The following GTF2F2 variants were observed in gnomAD, a reference collection of about 807,000 sequenced individuals.
GTF2F2 encodes the protein general transcription factor IIF subunit 2.
In GTF2F2, 23 loss-of-function variants were observed where a neutral mutation model predicts 42.2. The ratio of observed to expected loss-of-function variants is 0.55; its 90% CI spans 0.39 to 0.77. The LOEUF is 0.77. Among genes scored for constraint, GTF2F2 ranks in the 30% least tolerant of loss-of-function variants. The pLI, the probability that GTF2F2 is intolerant of heterozygous loss-of-function variation, is 0.00. For missense variants in GTF2F2, 261 were observed against 287.2 expected (o/e 0.91, Z 0.66); for synonymous variants, 105 against 100.8 (o/e 1.04, Z -0.25).
intron 4 of GTF2F2, among the ~76,000 whole-genome samples, chr13:45,161,640 A>G (rs2138132590): frequency 6.6e-6 from 1 of 152,278 alleles, no homozygotes; most frequent in Middle Eastern, 3.4e-3. Flanking sequence ...TCAGGAGTTC[A>G]AGACCAGCCT....
In GTF2F2 at chr13:45,151,714, G is replaced by T. The variant is rs1314700530; in HGVS notation, c.187G>T (p.Ala63Ser). ...GTCATTTACTTTGAATGAGGATCTT[G>T]CAAATATTCATGATATTGGTGGAAA... ...EVSFTLNEDLANIHDIGGKPA... is the reference protein window; with the variant it reads ...EVSFTLNEDLSNIHDIGGKPA... Residue 63 changes from alanine to serine, a missense_variant, in exon 4 of 8, where the codon GCA (alanine) becomes TCA (serine). By Grantham distance (99) the Ala-to-Ser change is moderately conservative. Transcript: ENST00000340473. 4.4e-6 allele frequency: 7 copies of T among 1,606,782 alleles called. No individual in the cohort carries two copies. The highest frequency in any genetic ancestry group is 6.0e-6 in the Non-Finnish European group (7 of 1,174,494).
At chr13:45,142,793 C>T (rs1485471109) in intron 2 of GTF2F2, among the ~76,000 whole-genome samples, 2 of 152,184 alleles carry the variant, frequency 1.3e-5, no homozygotes, top group East Asian at 3.8e-4. Context: ...ACTGAATTAA[C>T]TAAATTCACT....
At chr13:45,244,009 T>A (rs1354143713) in intron 5 of GTF2F2, among the ~76,000 whole-genome samples, 1 of 152,242 alleles carries the variant, frequency 6.6e-6, no homozygotes, top group Admixed American at 6.5e-5. Flanking sequence ...GTTGGTTGAA[T>A]CTGCAGGTAC....
chr13:45,153,004 C>G (rs1300974285), intron 4 of GTF2F2, among the ~76,000 whole-genome samples: 3 of 148,804 alleles, frequency 2.0e-5, no homozygotes, highest in Non-Finnish European at 3.0e-5. Context: ...AAGGAACATC[C>G]TCGTAAATTT....
At chr13:45,258,129 T>C (rs1337185666) in intron 6 of GTF2F2, among the ~76,000 whole-genome samples, 2 of 152,040 alleles carry the variant, frequency 1.3e-5, no homozygotes, top group Non-Finnish European at 2.9e-5. Context: ...AACTTGGCCC[T>C]TCCAAAAAGG....
intron 4 of GTF2F2, among the ~76,000 whole-genome samples, chr13:45,203,696 G>A (rs1052766532): frequency 2.6e-5 from 4 of 152,058 alleles, no homozygotes; most frequent in Non-Finnish European, 4.4e-5. Flanking sequence ...TTCTAGCATC[G>A]TTTGAGCAGA....
chr13:45,157,020 A>G (rs933263313), intron 4 of GTF2F2, among the ~76,000 whole-genome samples: 4 of 152,144 alleles, frequency 2.6e-5, no homozygotes, highest in Non-Finnish European at 5.9e-5. Context: ...GAAGTTGATA[A>G]ATTTTCTGGG....
intron 4 of GTF2F2, among the ~76,000 whole-genome samples, chr13:45,172,799 A>G (rs574889854): frequency 7.2e-5 from 11 of 152,282 alleles, no homozygotes; most frequent in African/African-American, 2.6e-4. Context: ...CCATTGCTCA[A>G]TGTATCTATC....
At chr13:45,231,687 T>C (rs575675295) in intron 5 of GTF2F2, among the ~76,000 whole-genome samples, 3 of 152,280 alleles carry the variant, frequency 2.0e-5, no homozygotes, top group Non-Finnish European at 4.4e-5. Flanking sequence ...ATTTTTTTTT[T>C]CCTGGCTTGA....
At chr13:45,120,980 C>T (rs533020239) in intron 1 of GTF2F2, among the ~76,000 whole-genome samples, 12 of 152,182 alleles carry the variant, frequency 7.9e-5, no homozygotes, top group Non-Finnish European at 1.8e-4. Context: ...TTCCTGGAAT[C>T]TTGTCTTGGT....
In GTF2F2 at chr13:45,123,917, A is replaced by G. The variant is rs559178250; in HGVS notation, c.66+3196A>G. 8.1e-5 allele frequency: 33 copies of G among 409,662 alleles called. 2 individuals are homozygous for G. Among genetic ancestry groups the G allele is most frequent in the South Asian group, 7.2e-4 (22 of 30,454 alleles). 25.4% of individuals were successfully genotyped at this position (409,662 alleles called of 1,614,324 possible). On this transcript the variant is annotated intron_variant, in intron 1 of 7. Coordinates refer to ENST00000340473, the MANE Select transcript of GTF2F2 (RefSeq NM_004128.3). ...GAAGCTGTGAGGAGGGGAGAGTCTT[A>G]GTGTGGTTGGGGACTGAGTATGGCA...
At chr13:45,212,341 A>G (rs1276561267) in intron 5 of GTF2F2, among the ~76,000 whole-genome samples, 1 of 152,170 alleles carries the variant, frequency 6.6e-6, no homozygotes, top group Non-Finnish European at 1.5e-5. Flanking sequence ...ATAGCACACT[A>G]CAAGTTCTTA....
At chr13:45,183,815 G>T (rs1296330555) in intron 4 of GTF2F2, among the ~76,000 whole-genome samples, 1 of 151,972 alleles carries the variant, frequency 6.6e-6, no homozygotes, top group African/African-American at 2.4e-5. Flanking sequence ...ATGATCTCCT[G>T]TGTTAAAGGA....
intron 4 of GTF2F2, among the ~76,000 whole-genome samples, chr13:45,162,365 C>G (rs1871079427): frequency 6.6e-6 from 1 of 152,166 alleles, no homozygotes; most frequent in Non-Finnish European, 1.5e-5. Flanking sequence ...TTGCTTACTC[C>G]TTTGAGTAAC....
chr13:45,121,536 C>T (rs562761879), intron 1 of GTF2F2, among the ~76,000 whole-genome samples: 6 of 152,298 alleles, frequency 3.9e-5, no homozygotes, highest in Admixed American at 3.9e-4. Context: ...TCTTGTCGGC[C>T]TTCCTAAAAC....
chr13:45,132,166 G>A (rs1177984611), intron 1 of GTF2F2, among the ~76,000 whole-genome samples: 2 of 152,038 alleles, frequency 1.3e-5, no homozygotes, highest in Non-Finnish European at 2.9e-5. Context: ...TATTACCATG[G>A]GCTTAGTAGT....
chr13:45,153,216 C>T (rs1220756524), intron 4 of GTF2F2, among the ~76,000 whole-genome samples: 3 of 150,438 alleles, frequency 2.0e-5, no homozygotes, highest in Non-Finnish European at 4.4e-5. Flanking sequence ...GACGGGGTTT[C>T]ACCGTGTTAG....
At chr13:45,230,319 A>G (rs1234689747) in intron 5 of GTF2F2, among the ~76,000 whole-genome samples, 1 of 152,216 alleles carries the variant, frequency 6.6e-6, no homozygotes, top group Non-Finnish European at 1.5e-5. Flanking sequence ...TCAGATACAA[A>G]GTACTGGAAA....
chr13:45,147,019 G>C (rs750079876), intron 2 of GTF2F2, among the ~76,000 whole-genome samples: 2 of 152,100 alleles, frequency 1.3e-5, no homozygotes, highest in Non-Finnish European at 2.9e-5. Flanking sequence ...TTCCTAGAGA[G>C]TATTAACTCA....
Sources: gnomAD v4.1 joint callset for allele counts (sites outside exome capture counted in the v4.1 genomes callset) on GRCh38, gnomAD v4.1.1 for gene constraint, MANE v1.5 for transcripts, NCBI Gene and HGNC (gene_info 2026-07-23, HGNC 2026-07-21) for gene names.